Variants in BACH2 observed in about 807,000 individuals in gnomAD.
BACH2 encodes transcription regulator protein BACH2.
BACH2 carries 5 observed loss-of-function variants against 61.8 expected under a neutral mutation model. The ratio of observed to expected loss-of-function variants is 0.08; its 90% CI spans 0.04 to 0.17. The LOEUF is 0.17. Among genes scored for constraint, BACH2 ranks in the 10% least tolerant of loss-of-function variants. The pLI, the probability that BACH2 is intolerant of heterozygous loss-of-function variation, is 1.00. For synonymous variants in BACH2, 446 were observed against 440.1 expected (o/e 1.01, Z -0.17); for missense variants, 824 against 1,091.1 (o/e 0.76, Z 3.45).
chr6:90,064,154 G>A (rs1023695113), intron 5 of BACH2, among the ~76,000 whole-genome samples: 1 of 152,150 alleles, frequency 6.6e-6, no homozygotes, highest in Non-Finnish European at 1.5e-5. Flanking sequence ...GGATGACTCA[G>A]GATAACTCAA....
intron 6 of BACH2, among the ~76,000 whole-genome samples, chr6:89,976,662 T>C (rs1264483938): frequency 6.6e-6 from 1 of 152,198 alleles, no homozygotes; most frequent in Non-Finnish European, 1.5e-5. Context: ...ACACTTTATG[T>C]CTCTATCCTG....
intron 5 of BACH2, among the ~76,000 whole-genome samples, chr6:90,044,548 T>A (rs1408522073): frequency 6.6e-5 from 10 of 152,202 alleles, no homozygotes; most frequent in Admixed American, 5.9e-4. Context: ...TTTAAAAGAT[T>A]CCTTTGGCTT....
At chr6:90,096,081 A>G (rs1782371264) in intron 4 of BACH2, among the ~76,000 whole-genome samples, 1 of 152,218 alleles carries the variant, frequency 6.6e-6, no homozygotes, top group African/African-American at 2.4e-5. Context: ...CCCATGTGCC[A>G]CCAGTAAAAC....
chr6:90,114,949 G>A (rs752043395), intron 4 of BACH2, among the ~76,000 whole-genome samples: 1 of 151,854 alleles, frequency 6.6e-6, no homozygotes, highest in Non-Finnish European at 1.5e-5. Flanking sequence ...AAATACCCAG[G>A]AATACAGCTA....
intron 5 of BACH2, among the ~76,000 whole-genome samples, chr6:90,055,623 C>T (rs982183623): frequency 6.1e-4 from 89 of 145,414 alleles, no homozygotes; most frequent in Non-Finnish European, 9.1e-4. Flanking sequence ...ATACAGAGAA[C>T]GCCACAAAGA....
intron 5 of BACH2, among the ~76,000 whole-genome samples, chr6:90,061,253 G>A (rs1780670468): frequency 1.3e-5 from 2 of 152,152 alleles, no homozygotes; most frequent in South Asian, 4.1e-4. Context: ...GACAGAAAGA[G>A]GTGAAATGAC....
rs1292033464 is a variant in BACH2 at position 89,981,074 on chromosome 6, T to C, written c.243+27528A>G. 6.6e-5 allele frequency among the ~76,000 whole-genome samples: 10 copies of C among 151,942 alleles called. 1 individual carries two copies. Among genetic ancestry groups the C allele is most frequent in the Admixed American group, 6.6e-4 (10 of 15,250 alleles). ...AAAAAAATATAACCCAAATGCAAGA[T>C]AGACAATAGTTGTTTTAGCTTAAAG... On this transcript the variant is annotated intron_variant, in intron 6 of 8. Coordinates refer to ENST00000257749, the MANE Select transcript of BACH2 (RefSeq NM_021813.4).
At chr6:90,125,507 C>T (rs779242214) in intron 4 of BACH2, among the ~76,000 whole-genome samples, 4 of 152,182 alleles carry the variant, frequency 2.6e-5, no homozygotes, top group Admixed American at 2.0e-4. Context: ...AGAAACAGCA[C>T]GTTTGCCTCT....
intron 5 of BACH2, 29 bp downstream of exon 5, chr6:90,088,932 A>C (rs1782042137): frequency 6.6e-6 from 1 of 152,224 alleles, no homozygotes; most frequent in Admixed American, 6.5e-5. Flanking sequence ...TTGTTTAATT[A>C]AGGAAAATAA....
intron 5 of BACH2, among the ~76,000 whole-genome samples, chr6:90,055,868 A>G (rs111814379): frequency 6.6e-6 from 1 of 152,160 alleles, no homozygotes. Context: ...ATCCAGCCAA[A>G]CTAAGCTTCA....
chr6:90,137,885 A>G (rs1784328698), intron 4 of BACH2, among the ~76,000 whole-genome samples: 1 of 152,140 alleles, frequency 6.6e-6, no homozygotes, highest in African/African-American at 2.4e-5. Context: ...AGCTGGATGA[A>G]GTGAGTGGGA....
intron 5 of BACH2, among the ~76,000 whole-genome samples, chr6:90,061,066 A>G (rs879168031): frequency 6.6e-6 from 1 of 152,162 alleles, no homozygotes; most frequent in African/African-American, 2.4e-5. Context: ...GTCCTCTTTA[A>G]AAGTTTTTAG....
At position 90,008,887 on chromosome 6, in the gene BACH2, G is replaced by C. The variant is rs1271369519; in HGVS notation, c.-12-31C>G. ...AGAAAGAAAGAAACAAAGAAAGAAAGAAAGAAAGGCTGAGTCACCACAGCT... is the reference window on the plus strand; with the variant it reads ...AGAAAGAAAGAAACAAAGAAAGAAACAAAGAAAGGCTGAGTCACCACAGCT... On this transcript the variant is annotated intron_variant, in intron 5 of 8. Coordinates refer to ENST00000257749, the MANE Select transcript of BACH2 (RefSeq NM_021813.4). This position sits in a 1 kb window ranked among gnomAD's most constrained non-coding sequence, Gnocchi z 4.1. The C allele has an allele frequency of 6.2e-7, 1 of 1,606,862 alleles. No individual in the cohort carries two copies. The highest frequency in any genetic ancestry group is 1.7e-5 in the Admixed American group (1 of 59,536).
intron 4 of BACH2, among the ~76,000 whole-genome samples, 162 bp from the exon 5 acceptor site, chr6:90,089,271 A>G (rs955772331): frequency 3.9e-5 from 6 of 151,934 alleles, no homozygotes; most frequent in Non-Finnish European, 7.4e-5. Flanking sequence ...TCATGAACAG[A>G]ATAAGACACC....
Position 90,092,767 on chromosome 6 carries a change from G to A in BACH2, c.-161-3658C>T, listed in dbSNP as rs1292063141. On this transcript the variant is annotated intron_variant, in intron 4 of 8. Coordinates refer to ENST00000257749, the MANE Select transcript of BACH2 (RefSeq NM_021813.4). ...TGAGTTTTATTTCTAAATTGGCTACGAACTAGCTGCCTGACTCTCTGGGAC... is the reference window on the plus strand; with the variant it reads ...TGAGTTTTATTTCTAAATTGGCTACAAACTAGCTGCCTGACTCTCTGGGAC... Among the ~76,000 whole-genome samples the A allele has an allele frequency of 3.3e-5, 5 of 152,098 alleles. No homozygotes were observed. In the East Asian group the frequency reaches 5.8e-4, roughly 18 times the overall value.
chr6:90,239,566 T>A (rs1174101581), intron 3 of BACH2, among the ~76,000 whole-genome samples: 2 of 152,196 alleles, frequency 1.3e-5, no homozygotes, highest in African/African-American at 2.4e-5. Context: ...TTAAAAATTA[T>A]TTATGTATGC....
chr6:90,294,348 G>A (rs985921736), intron 1 of BACH2, among the ~76,000 whole-genome samples: 1 of 152,110 alleles, frequency 6.6e-6, no homozygotes, highest in African/African-American at 2.4e-5. Context: ...TTATTCCATG[G>A]TTGTGTGTTC....
chr6:90,017,014 T>C (rs1778104160), intron 5 of BACH2, among the ~76,000 whole-genome samples: 1 of 152,158 alleles, frequency 6.6e-6, no homozygotes, highest in Admixed American at 6.5e-5. Context: ...TTTCCTCATG[T>C]TTCTTGAGCT....
At position 90,255,563 on chromosome 6, in the gene BACH2, T is replaced by C. The variant is rs1302154361; in HGVS notation, c.-352-2973A>G. 3.3e-5 allele frequency among the ~76,000 whole-genome samples: 5 copies of C among 152,114 alleles called. No homozygotes were observed. The South Asian group carries it at 6.2e-4, about 19-fold the overall frequency. Reference sequence around the variant, plus strand: ...GGTTGTCCAGGATTTGGATTGACAATGATTTAAGGGAAGAGAAGAGGGAAG... The same window carrying C: ...GGTTGTCCAGGATTTGGATTGACAACGATTTAAGGGAAGAGAAGAGGGAAG... On this transcript the variant is annotated intron_variant, in intron 2 of 8. Transcript: ENST00000257749.
Sources: allele counts gnomAD v4.1 joint callset (sites outside exome capture counted in the v4.1 genomes callset), GRCh38; gene constraint gnomAD v4.1.1; non-coding constraint Gnocchi (gnomAD v3.1); transcripts MANE v1.5; gene names NCBI Gene and HGNC (gene_info 2026-07-23, HGNC 2026-07-21).